PTPRK: variants seen among roughly 807,000 people sequenced by gnomAD.
PTPRK encodes the protein protein tyrosine phosphatase receptor type K.
PTPRK carries 75 observed loss-of-function variants against 178.0 expected under a neutral mutation model. The observed-to-expected ratio is 0.42, with a 90% CI of 0.35 to 0.51. The LOEUF (loss-of-function observed/expected upper bound fraction) is 0.51. Among genes scored for constraint, PTPRK ranks in the 20% least tolerant of loss-of-function variants. The pLI, the probability that PTPRK is intolerant of heterozygous loss-of-function variation, is 0.02. For synonymous variants in PTPRK, 637 were observed against 620.6 expected (o/e 1.03, Z -0.39); for missense variants, 1,441 against 1,797.8 (o/e 0.80, Z 3.59).
chr6:128,439,969 C>T (rs1052451070), intron 1 of PTPRK, among the ~76,000 whole-genome samples: 24 of 152,310 alleles, frequency 1.6e-4, no homozygotes, highest in African/African-American at 5.5e-4. Flanking sequence ...CAAAGTACCA[C>T]TGAGCCTTGA....
chr6:128,366,153 C>T (rs924894712), intron 2 of PTPRK, among the ~76,000 whole-genome samples: 3 of 152,172 alleles, frequency 2.0e-5, no homozygotes, highest in Non-Finnish European at 2.9e-5. Flanking sequence ...AAAAATGAAG[C>T]GAGCCTTAGA....
intron 2 of PTPRK, among the ~76,000 whole-genome samples, chr6:128,385,591 T>C (rs931918322): frequency 2.6e-5 from 4 of 152,228 alleles, no homozygotes; most frequent in Non-Finnish European, 4.4e-5. Context: ...GTAAGTCTTA[T>C]ACCCTGATGG....
At chr6:128,161,346 T>G (rs548164335) in intron 7 of PTPRK, among the ~76,000 whole-genome samples, 76 of 151,738 alleles carry the variant, frequency 5.0e-4, no homozygotes, top group South Asian at 2.1e-3. Flanking sequence ...CCATAGCTTG[T>G]TATGATTTAT....
chr6:128,312,720 TTA>T (rs1827418239), intron 3 of PTPRK, among the ~76,000 whole-genome samples: 1 of 152,174 alleles, frequency 6.6e-6, no homozygotes, highest in South Asian at 2.1e-4. Flanking sequence ...TTAGTGGACT[TTA>T]TATTCTCTAA....
intron 17 of PTPRK, 21 bp downstream of exon 17, chr6:127,996,880 A>G: frequency 1.9e-6 from 3 of 1,602,698 alleles, no homozygotes; most frequent in Non-Finnish European, 1.7e-6. Context: ...TACATTCACC[A>G]AGAATTGAAT....
chr6:128,380,097 C>T (rs956689278), intron 2 of PTPRK, among the ~76,000 whole-genome samples: 3 of 151,874 alleles, frequency 2.0e-5, no homozygotes, highest in Non-Finnish European at 4.4e-5. Flanking sequence ...CCCTAGCAAA[C>T]GGGCTTTCAT....
intron 3 of PTPRK, among the ~76,000 whole-genome samples, chr6:128,300,840 C>T (rs1825481372): frequency 6.6e-6 from 1 of 151,920 alleles, no homozygotes. Flanking sequence ...TGCACATGTA[C>T]CCTAAAACTT....
chr6:128,026,545 T>A (rs1319091580), intron 13 of PTPRK, among the ~76,000 whole-genome samples: 1 of 152,194 alleles, frequency 6.6e-6, no homozygotes, highest in Non-Finnish European at 1.5e-5. Context: ...AGGCTTGTTC[T>A]GAAGATTACT....
At chr6:128,165,537 C>T (rs1389844738) in intron 7 of PTPRK, among the ~76,000 whole-genome samples, 3 of 150,962 alleles carry the variant, frequency 2.0e-5, no homozygotes, top group South Asian at 2.1e-4. Flanking sequence ...ATGAAGTTAA[C>T]CATGGCTTCG....
intron 12 of PTPRK, among the ~76,000 whole-genome samples, chr6:128,065,402 G>T (rs1176700855): frequency 2.6e-5 from 4 of 152,136 alleles, no homozygotes; most frequent in Non-Finnish European, 4.4e-5. Flanking sequence ...AGAAGCAGTA[G>T]GAAAGGACAA....
intron 7 of PTPRK, among the ~76,000 whole-genome samples, chr6:128,120,775 C>T (rs1300278735): frequency 6.6e-6 from 1 of 151,832 alleles, no homozygotes; most frequent in African/African-American, 2.4e-5. Flanking sequence ...TCAACATGTA[C>T]TTAATTTCAA....
chr6:128,341,776 A>G (rs1049759522), intron 2 of PTPRK, among the ~76,000 whole-genome samples: 5 of 152,256 alleles, frequency 3.3e-5, no homozygotes, highest in Non-Finnish European at 7.3e-5. Flanking sequence ...AGTTTCAACT[A>G]GAACAGCAAC....
intron 1 of PTPRK, among the ~76,000 whole-genome samples, chr6:128,405,575 T>A (rs1841555043): frequency 1.3e-5 from 2 of 152,190 alleles, no homozygotes; most frequent in Admixed American, 1.3e-4. Flanking sequence ...TATTTACATT[T>A]TGGTAAAACT....
chr6:128,307,160 A>AAAAAATAT (rs5879886), intron 3 of PTPRK, among the ~76,000 whole-genome samples: 30 of 142,380 alleles, frequency 2.1e-4, no homozygotes, highest in African/African-American at 7.9e-4. Flanking sequence ...AAGAAAAAAA[A>AAAAAATAT]ATATATATAT....
intron 15 of PTPRK, among the ~76,000 whole-genome samples, chr6:127,999,329 C>T (rs1431007590): frequency 6.6e-6 from 1 of 151,924 alleles, no homozygotes; most frequent in Non-Finnish European, 1.5e-5. Flanking sequence ...CAGAGATACC[C>T]GATCTAGGTG....
At chr6:128,182,144 G>A (rs1802016355) in intron 7 of PTPRK, among the ~76,000 whole-genome samples, 1 of 152,100 alleles carries the variant, frequency 6.6e-6, no homozygotes, top group Non-Finnish European at 1.5e-5. Flanking sequence ...ACTTAATACT[G>A]TTGGGAGTAA....
At chr6:128,426,738 C>A (rs190574750) in intron 1 of PTPRK, among the ~76,000 whole-genome samples, 1 of 152,100 alleles carries the variant, frequency 6.6e-6, no homozygotes, top group Non-Finnish European at 1.5e-5. Flanking sequence ...CATGTTTTGG[C>A]GGGAAAAGTG....
At chr6:128,383,592 T>C (rs1055812920) in intron 2 of PTPRK, among the ~76,000 whole-genome samples, 1 of 152,216 alleles carries the variant, frequency 6.6e-6, no homozygotes, top group Non-Finnish European at 1.5e-5. Flanking sequence ...CATACTTATG[T>C]GTTCCAGAAG....
intron 2 of PTPRK, among the ~76,000 whole-genome samples, chr6:128,372,942 G>A (rs1836494446): frequency 6.6e-6 from 1 of 151,596 alleles, no homozygotes; most frequent in Admixed American, 6.6e-5. Flanking sequence ...GTGTGTATAT[G>A]TGAATGTACC....
Sources: allele counts gnomAD v4.1 joint callset (sites outside exome capture counted in the v4.1 genomes callset), GRCh38; gene constraint gnomAD v4.1.1; transcripts MANE v1.5; gene names NCBI Gene and HGNC (gene_info 2026-07-23, HGNC 2026-07-21).